CNTN5: variants seen among roughly 807,000 people sequenced by gnomAD.
CNTN5 encodes the protein contactin 5.
In CNTN5, 77 loss-of-function variants were observed where a neutral mutation model predicts 129.1. That is an observed-to-expected ratio of 0.60 (90% CI 0.50 to 0.72). The LOEUF is 0.72. Among genes scored for constraint, CNTN5 ranks in the 30% least tolerant of loss-of-function variants. The pLI, the probability that CNTN5 is intolerant of heterozygous loss-of-function variation, is 0.00. For synonymous variants in CNTN5, 509 were observed against 465.6 expected (o/e 1.09, Z -1.20); for missense variants, 1,478 against 1,328.8 (o/e 1.11, Z -1.75).
At chr11:99,735,032 C>G (rs990422828) in intron 3 of CNTN5, among the ~76,000 whole-genome samples, 6 of 149,826 alleles carry the variant, frequency 4.0e-5, no homozygotes, top group African/African-American at 1.2e-4. Context: ...AACAAAAGTT[C>G]TGTAACCCAC....
chr11:99,099,775 T>C (rs923024181), intron 1 of CNTN5, among the ~76,000 whole-genome samples: 23 of 152,148 alleles, frequency 1.5e-4, no homozygotes, highest in Non-Finnish European at 2.9e-4. Context: ...TGATGATAAA[T>C]GACACAATAC....
intron 6 of CNTN5, among the ~76,000 whole-genome samples, chr11:99,912,328 G>C (rs1949682768): frequency 6.6e-6 from 1 of 152,044 alleles, no homozygotes; most frequent in Non-Finnish European, 1.5e-5. Context: ...ACTCATGAGT[G>C]TGGCTGTGAC....
chr11:99,430,119 T>G (rs2135099087), intron 2 of CNTN5, among the ~76,000 whole-genome samples: 1 of 152,126 alleles, frequency 6.6e-6, no homozygotes, highest in Non-Finnish European at 1.5e-5. Context: ...CTGTGACTTT[T>G]AAGGGGTGTG....
At chr11:99,994,605 A>G (rs559038121) in intron 8 of CNTN5, among the ~76,000 whole-genome samples, 1 of 152,314 alleles carries the variant, frequency 6.6e-6, no homozygotes, top group African/African-American at 2.4e-5. Flanking sequence ...AATAAGCATC[A>G]TGATAAATCA....
At chr11:99,660,565 A>T (rs376010967) in intron 3 of CNTN5, among the ~76,000 whole-genome samples, 2 of 152,130 alleles carry the variant, frequency 1.3e-5, no homozygotes, top group South Asian at 2.1e-4. Flanking sequence ...TGACTGCCTG[A>T]ATTAGGGTAG....
intron 3 of CNTN5, among the ~76,000 whole-genome samples, chr11:99,680,451 T>C (rs1032440116): frequency 1.3e-5 from 2 of 151,602 alleles, no homozygotes; most frequent in South Asian, 2.1e-4. Flanking sequence ...GCTCTGTAAA[T>C]GAAATTACAA....
intron 3 of CNTN5, among the ~76,000 whole-genome samples, chr11:99,682,172 G>A (rs1953584665): frequency 6.6e-6 from 1 of 151,980 alleles, no homozygotes. Flanking sequence ...TTCAGTAAGG[G>A]AATTGATGAT....
chr11:99,617,967 C>T (rs1950812994), intron 3 of CNTN5, among the ~76,000 whole-genome samples: 3 of 152,030 alleles, frequency 2.0e-5, no homozygotes, highest in Admixed American at 2.0e-4. Flanking sequence ...AATTACAGCC[C>T]CTAATACAGT....
intron 3 of CNTN5, among the ~76,000 whole-genome samples, chr11:99,664,876 C>T (rs113702452): frequency 6.6e-6 from 1 of 152,230 alleles, no homozygotes; most frequent in African/African-American, 2.4e-5. Context: ...AAAATGTGCA[C>T]ATGCTAATTT....
At chr11:99,700,777 C>G (rs1954483400) in intron 3 of CNTN5, among the ~76,000 whole-genome samples, 1 of 151,344 alleles carries the variant, frequency 6.6e-6, no homozygotes, top group African/African-American at 2.4e-5. Flanking sequence ...CAATTTCATG[C>G]TATTGTTCAT....
chr11:99,337,638 T>C (rs1161675142), intron 2 of CNTN5, among the ~76,000 whole-genome samples: 2 of 152,154 alleles, frequency 1.3e-5, no homozygotes, highest in Non-Finnish European at 2.9e-5. Flanking sequence ...GTTATGGCGA[T>C]TATGGACATG....
chr11:100,298,333 T>A (rs1262512809), intron 19 of CNTN5, among the ~76,000 whole-genome samples: 1 of 151,430 alleles, frequency 6.6e-6, no homozygotes, highest in Non-Finnish European at 1.5e-5. Context: ...AAACTTCATA[T>A]ATTTTTTTGA....
At chr11:99,822,395 A>G (rs1206925044) in intron 4 of CNTN5, among the ~76,000 whole-genome samples, 2 of 152,184 alleles carry the variant, frequency 1.3e-5, no homozygotes, top group Non-Finnish European at 2.9e-5. Context: ...TTTTTATTTA[A>G]TGGAGAACTA....
intron 4 of CNTN5, among the ~76,000 whole-genome samples, chr11:99,837,701 A>T (rs945034826): frequency 6.6e-6 from 1 of 151,676 alleles, no homozygotes; most frequent in Non-Finnish European, 1.5e-5. Context: ...AAAAAAAAAA[A>T]AAACCTATCA....
At chr11:100,185,249 A>G (rs1009868659) in intron 13 of CNTN5, among the ~76,000 whole-genome samples, 1 of 152,118 alleles carries the variant, frequency 6.6e-6, no homozygotes, top group African/African-American at 2.4e-5. Flanking sequence ...TGTAAAATGA[A>G]GTTTTACTGG....
intron 23 of CNTN5, among the ~76,000 whole-genome samples, chr11:100,349,732 A>G (rs1952362693): frequency 6.6e-6 from 1 of 151,892 alleles, no homozygotes; most frequent in Non-Finnish European, 1.5e-5. Context: ...GACTCTGAAT[A>G]AAAACACATT....
chr11:99,324,136 A>T (rs1384957259), intron 1 of CNTN5, among the ~76,000 whole-genome samples: 6 of 152,224 alleles, frequency 3.9e-5, no homozygotes, highest in Non-Finnish European at 8.8e-5. Context: ...GAAGTTCCAA[A>T]TAATATAAAT....
chr11:99,159,890 C>G (rs1264598374), intron 1 of CNTN5, among the ~76,000 whole-genome samples: 1 of 152,086 alleles, frequency 6.6e-6, no homozygotes, highest in African/African-American at 2.4e-5. Flanking sequence ...ATATAATAAT[C>G]TCAACACAAG....
intron 3 of CNTN5, among the ~76,000 whole-genome samples, chr11:99,730,637 C>G (rs1943499230): frequency 6.6e-6 from 1 of 152,262 alleles, no homozygotes; most frequent in East Asian, 1.9e-4. Flanking sequence ...TAATTATAAT[C>G]TGTTCTTCAA....
Sources: allele counts gnomAD v4.1 joint callset (sites outside exome capture counted in the v4.1 genomes callset), GRCh38; gene constraint gnomAD v4.1.1; transcripts MANE v1.5; gene names NCBI Gene and HGNC (gene_info 2026-07-23, HGNC 2026-07-21).